The following CDYL2 variants were observed in gnomAD, a reference collection of about 807,000 sequenced individuals.
CDYL2 encodes the protein chromodomain Y-like protein 2.
CDYL2 carries 23 observed loss-of-function variants against 49.4 expected under a neutral mutation model. The ratio of observed to expected loss-of-function variants is 0.47; its 90% CI spans 0.34 to 0.66. The LOEUF (loss-of-function observed/expected upper bound fraction) is 0.66, where lower values mean the gene tolerates loss of function less well. Ranked by LOEUF, CDYL2 falls within the 30% of genes least tolerant of loss-of-function variation. The probability of loss-of-function intolerance (pLI) is 0.01; values close to 1 mark genes in which losing one functional copy is unlikely to be tolerated. For synonymous variants in CDYL2, 360 were observed against 268.8 expected (o/e 1.34, Z -3.32); for missense variants, 678 against 656.4 (o/e 1.03, Z -0.36).
rs1906407752 is a variant in CDYL2 at position 80,758,751 on chromosome 16, C to T, written c.24+45399G>A. ...TAGAGACAGGGTTTCACCGTGTTAG[C>T]CAGGATGGTTTCAATCTCCTGACCT... On this transcript the variant is annotated intron_variant, in intron 1 of 6. Coordinates refer to ENST00000570137, the MANE Select transcript of CDYL2 (RefSeq NM_152342.4). 4.0e-5 allele frequency among the ~76,000 whole-genome samples: 6 copies of T among 151,898 alleles called. 1 individual carries two copies. The South Asian group carries it at 1.2e-3, about 32-fold the overall frequency.
At chr16:80,766,979 A>T (rs996185764) in intron 1 of CDYL2, among the ~76,000 whole-genome samples, 2 of 152,184 alleles carry the variant, frequency 1.3e-5, no homozygotes, top group African/African-American at 4.8e-5. Context: ...TTTGCAGATG[A>T]ATAAACTGAG....
intron 2 of CDYL2, among the ~76,000 whole-genome samples, chr16:80,660,663 A>C (rs1438083699): frequency 6.6e-6 from 1 of 152,242 alleles, no homozygotes; most frequent in Non-Finnish European, 1.5e-5. Flanking sequence ...TATTAAACTC[A>C]TATTAAAAGA....
Position 80,620,936 on chromosome 16 carries a change from C to T in CDYL2, c.835-1G>A. On this transcript the variant is annotated splice_acceptor_variant, in intron 3 of 6. Transcript: ENST00000570137. LOFTEE classifies it high-confidence loss of function. The stretch of plus-strand genomic sequence containing the variant: ...GCGCTCGCCGGACTTCTTTCATGAT[C>T]TGCCGGCAGAGATGAATTTGCAGGG... 6.3e-7 allele frequency: 1 copy of T among 1,590,838 alleles called. No homozygotes were observed. The highest frequency in any genetic ancestry group is 8.6e-7 in the Non-Finnish European group (1 of 1,164,678).
intron 1 of CDYL2, among the ~76,000 whole-genome samples, chr16:80,737,573 T>C (rs1399009439): frequency 1.3e-5 from 2 of 152,192 alleles, no homozygotes; most frequent in African/African-American, 2.4e-5. Flanking sequence ...GTTGCTGCTG[T>C]TGCTGCTGCT....
At chr16:80,724,692 T>C (rs1202668014) in intron 1 of CDYL2, among the ~76,000 whole-genome samples, 2 of 152,342 alleles carry the variant, frequency 1.3e-5, no homozygotes, top group African/African-American at 4.8e-5. Context: ...TGATACAACA[T>C]AGATTTCTTT....
At chr16:80,614,243 C>T (rs923433349) in intron 4 of CDYL2, among the ~76,000 whole-genome samples, 10 of 152,198 alleles carry the variant, frequency 6.6e-5, no homozygotes, top group South Asian at 2.1e-4. Context: ...GTCTGCTGGC[C>T]GGCCACATTT....
At position 80,701,263 on chromosome 16, in the gene CDYL2, A is replaced by G. The variant is rs1422204052; in HGVS notation, c.25-16134T>C. On this transcript the variant is annotated intron_variant, in intron 1 of 6. Coordinates refer to ENST00000570137, the MANE Select transcript of CDYL2 (RefSeq NM_152342.4). ...TGTCAAAATATGCATATGCAAATAT[A>G]TAAAGGTCTGGAATAATTCACTGTT... Among the ~76,000 whole-genome samples, 11 of 152,246 alleles carry G rather than the reference A, an allele frequency of 7.2e-5. No individual in the cohort carries two copies. The East Asian group carries it at 2.1e-3, about 29-fold the overall frequency.
At chr16:80,768,664 T>A (rs1056321035) in intron 1 of CDYL2, among the ~76,000 whole-genome samples, 1 of 152,160 alleles carries the variant, frequency 6.6e-6, no homozygotes, top group African/African-American at 2.4e-5. Context: ...GATTTCAACA[T>A]ATAAATTTTG....
intron 1 of CDYL2, among the ~76,000 whole-genome samples, chr16:80,774,620 G>A (rs1907020442): frequency 6.6e-6 from 1 of 152,054 alleles, no homozygotes; most frequent in African/African-American, 2.4e-5. Flanking sequence ...GAATCTTTCT[G>A]TAATATGTAT....
intron 2 of CDYL2, among the ~76,000 whole-genome samples, chr16:80,649,479 T>C (rs1908492892): frequency 1.3e-5 from 2 of 151,898 alleles, no homozygotes; most frequent in African/African-American, 2.4e-5. Context: ...ACGAAAGAAA[T>C]TGAAGAGGAC....
chr16:80,801,126 G>C (rs902894574), intron 1 of CDYL2, among the ~76,000 whole-genome samples: 2 of 152,170 alleles, frequency 1.3e-5, no homozygotes, highest in African/African-American at 4.8e-5. Context: ...ATATAGACCA[G>C]GGCATCTGGC....
chr16:80,761,944 G>T (rs1906547185), intron 1 of CDYL2, among the ~76,000 whole-genome samples: 1 of 149,582 alleles, frequency 6.7e-6, no homozygotes, highest in African/African-American at 2.5e-5. Context: ...CCAGCATTTT[G>T]GGAGGCCAAG....
intron 1 of CDYL2, among the ~76,000 whole-genome samples, chr16:80,763,530 T>G (rs1003406198): frequency 6.6e-6 from 1 of 151,988 alleles, no homozygotes; most frequent in Non-Finnish European, 1.5e-5. Context: ...GAGAATCACT[T>G]GAACCCAGAA....
intron 4 of CDYL2, among the ~76,000 whole-genome samples, chr16:80,616,413 T>C (rs188752456): frequency 6.6e-5 from 10 of 152,234 alleles, no homozygotes; most frequent in East Asian, 1.9e-4. Flanking sequence ...AATTCTCAGA[T>C]TGGTCTGTGA....
In CDYL2 at chr16:80,757,060, A is replaced by T. The variant is rs537858504; in HGVS notation, c.24+47090T>A. Among the ~76,000 whole-genome samples the T allele has an allele frequency of 2.0e-5, 3 of 152,284 alleles. No individual in the cohort carries two copies. In the East Asian group the frequency reaches 5.8e-4, roughly 29 times the overall value. On this transcript the variant is annotated intron_variant, in intron 1 of 6. Coordinates refer to ENST00000570137, the MANE Select transcript of CDYL2 (RefSeq NM_152342.4). ...ACTCCCATCACAATTAATATGTAAC[A>T]CCAGTAAAAAAATGCTAGCCTACCA...
rs1166170776 is a variant in CDYL2 at position 80,612,670 on chromosome 16, C to A, written c.1174G>T (p.Gly392Cys). Residue 392 changes from glycine to cysteine, a missense_variant, in exon 5 of 7, where the codon GGC becomes TGC. Transcript: ENST00000570137. This position sits in a 1 kb window ranked among gnomAD's most constrained non-coding sequence, Gnocchi z 5.0. Reference protein sequence around the residue: ...PYATIRLTPAGCSSYTFPQIL... With the variant: ...PYATIRLTPACCSSYTFPQIL... ...TGGGGGAAGGTGTAGGAGGAGCAGC[C>A]AGCAGGCGTGAGGCGGATGGTGGCG... 6.2e-7 allele frequency: 1 copy of A among 1,612,904 alleles called. No homozygotes were observed. Among genetic ancestry groups the A allele is most frequent in the Non-Finnish European group, 8.5e-7 (1 of 1,179,814 alleles).
chr16:80,684,131 A>C (rs754522149), intron 2 of CDYL2, among the ~76,000 whole-genome samples: 17 of 152,256 alleles, frequency 1.1e-4, no homozygotes, highest in Admixed American at 1.3e-4. Context: ...GGGCATGATG[A>C]GGCTGCAAGC....
At chr16:80,742,322 AATGGATGGATGGG>A (rs1347821322) in intron 1 of CDYL2, 1 of 152,238 alleles carries the variant, frequency 6.6e-6, no homozygotes, top group African/African-American at 2.4e-5. Context: ...TGACAGAATT[AATGGATGGATGGG>A]ATGGATGGAT....
chr16:80,743,637 A>G (rs1177301593), intron 1 of CDYL2, among the ~76,000 whole-genome samples: 2 of 152,158 alleles, frequency 1.3e-5, no homozygotes, highest in African/African-American at 4.8e-5. Context: ...TGTCATCTTA[A>G]TGCAAGTAAG....
Sources: gnomAD v4.1 joint callset for allele counts (sites outside exome capture counted in the v4.1 genomes callset) on GRCh38, gnomAD v4.1.1 for gene constraint, Gnocchi (gnomAD v3.1) non-coding constraint, MANE v1.5 for transcripts, NCBI Gene and HGNC (gene_info 2026-07-23, HGNC 2026-07-21) for gene names.